PXYLP1: variants seen among roughly 807,000 people sequenced by gnomAD.
PXYLP1 encodes the protein 2-phosphoxylose phosphatase 1.
A neutral mutation model predicts 37.9 loss-of-function variants in PXYLP1; 17 were observed. The ratio of observed to expected loss-of-function variants is 0.45; its 90% CI spans 0.31 to 0.67. The LOEUF (loss-of-function observed/expected upper bound fraction) is 0.67, where lower values mean the gene tolerates loss of function less well. Ranked by LOEUF, PXYLP1 falls within the 30% of genes least tolerant of loss-of-function variation. The pLI is 0.07. For missense variants in PXYLP1, 511 were observed against 612.0 expected, an observed-to-expected ratio of 0.84 and a Z score of 1.74; for synonymous variants, 221 against 232.2, an observed-to-expected ratio of 0.95 and a Z score of 0.44.
intron 4 of PXYLP1, among the ~76,000 whole-genome samples, chr3:141,280,226 G>A (rs1012402310): frequency 1.3e-5 from 2 of 152,238 alleles, no homozygotes; most frequent in South Asian, 4.1e-4. Context: ...AGTGCTCAGT[G>A]GGGAAGACGT....
chr3:141,293,163 T>C lies in PXYLP1; in HGVS notation c.1401T>C (p.Ser467=). 1 of 1,613,984 alleles carries C rather than the reference T, an allele frequency of 6.2e-7. No homozygotes were observed. Among genetic ancestry groups the C allele is most frequent in the Non-Finnish European group, 8.5e-7 (1 of 1,180,030 alleles). Residue 467 remains serine, a synonymous_variant, in exon 6 of 6, where the codon AGT becomes AGC. Coordinates refer to ENST00000286353, the MANE Select transcript of PXYLP1 (RefSeq NM_001037172.3). ...ACATGTTTGTAGCCCTGGGTGGCAG[T>C]GGTACAAATTATTATGATGCATGTC... ...KRDMFVALGG[S]GTNYYDACHR...
chr3:141,287,605 A>G (rs569934316), intron 5 of PXYLP1, 152 bp downstream of exon 5: 9 of 739,830 alleles, frequency 1.2e-5, no homozygotes, highest in African/African-American at 3.6e-5. Flanking sequence ...GGGCCTCTAA[A>G]TAAACATCAG....
At chr3:141,251,891 T>C (rs1022787773) in intron 1 of PXYLP1, among the ~76,000 whole-genome samples, 2 of 152,308 alleles carry the variant, frequency 1.3e-5, no homozygotes, top group Non-Finnish European at 1.5e-5. Context: ...CACTTGTGGC[T>C]GGTGGGTATT....
intron 1 of PXYLP1, among the ~76,000 whole-genome samples, chr3:141,239,537 A>G (rs1940745748): frequency 6.7e-6 from 1 of 150,338 alleles, no homozygotes; most frequent in Non-Finnish European, 1.5e-5. Flanking sequence ...TCTCTTGTGC[A>G]TCTTGCTCTA....
intron 2 of PXYLP1, among the ~76,000 whole-genome samples, chr3:141,276,059 C>T (rs573542596): frequency 9.8e-5 from 15 of 152,290 alleles, no homozygotes; most frequent in Middle Eastern, 3.4e-3. Context: ...ACATTCAGTG[C>T]GGTAACATGC....
chr3:141,271,614 C>T (rs9819731), intron 2 of PXYLP1, among the ~76,000 whole-genome samples: 74,817 of 152,008 alleles, frequency 0.49, 20,047 homozygotes, highest in South Asian at 0.69. Flanking sequence ...ACTCTGGGTC[C>T]CTGATACCCA....
At position 141,279,419 on chromosome 3, in the gene PXYLP1, T is replaced by A. The variant is rs200886677; in HGVS notation, c.280T>A (p.Phe94Ile). 6.8e-6 allele frequency: 11 copies of A among 1,614,236 alleles called. No individual in the cohort carries two copies. Among genetic ancestry groups the A allele is most frequent in the African/African-American group, 1.3e-5 (1 of 75,058 alleles). ...TTTTAAGCTGGTCTCAGTGCATGTGTTCATTCGCCACGGAGACAGGTACCC... is the reference window on the plus strand; with the variant it reads ...TTTTAAGCTGGTCTCAGTGCATGTGATCATTCGCCACGGAGACAGGTACCC... ...HHFKLVSVHV[F>I]IRHGDRYPLY... Residue 94 changes from phenylalanine to isoleucine, a missense_variant, in exon 4 of 6, where the codon TTC (phenylalanine) becomes ATC (isoleucine). Coordinates refer to ENST00000286353, the MANE Select transcript of PXYLP1 (RefSeq NM_001037172.3).
chr3:141,275,929 C>T lies in PXYLP1; in HGVS notation c.80-2413C>T, dbSNP rs145883806. Among the ~76,000 whole-genome samples, 718 of 152,218 alleles carry T rather than the reference C, an allele frequency of 4.7e-3. 3 individuals are homozygous for T. Among genetic ancestry groups the T allele is most frequent in the South Asian group, 0.018 (86 of 4,822 alleles). On this transcript the variant is annotated intron_variant, in intron 2 of 5. Transcript: ENST00000286353. ...TGTACCACATAATGACTTCCATCAACGACAGAACACATATATGACAGTGGT... is the reference window on the plus strand; with the variant it reads ...TGTACCACATAATGACTTCCATCAATGACAGAACACATATATGACAGTGGT...
intron 4 of PXYLP1, among the ~76,000 whole-genome samples, chr3:141,283,098 C>G (rs923398985): frequency 6.6e-6 from 1 of 151,880 alleles, no homozygotes; most frequent in Non-Finnish European, 1.5e-5. Flanking sequence ...TCCCGAGTAG[C>G]TGGGACTACA....
intron 1 of PXYLP1, chr3:141,234,965 G>C (rs1247192880): frequency 6.6e-6 from 1 of 152,284 alleles, no homozygotes; most frequent in Non-Finnish European, 1.5e-5. Context: ...CTGTGAGTAA[G>C]AGAAAGGGAG....
rs570475152 is a variant in PXYLP1, at chr3:141,254,551, C to T, written c.-53-5572C>T. Among the ~76,000 whole-genome samples, 14 of 152,290 alleles carry T rather than the reference C, an allele frequency of 9.2e-5. No individual in the cohort carries two copies. In the South Asian group the frequency reaches 1.0e-3, roughly 11 times the overall value. On this transcript the variant is annotated intron_variant, in intron 1 of 5. Transcript: ENST00000286353. ...GGTTTCCAGGAGGCTCTGGAATCTG[C>T]GCATCTTCATCAGACTTCAAGGTTG...
chr3:141,232,143 C>A (rs1332855240), intron 1 of PXYLP1, among the ~76,000 whole-genome samples: 1 of 152,106 alleles, frequency 6.6e-6, no homozygotes, highest in African/African-American at 2.4e-5. Context: ...AGGACTTGCG[C>A]CCTCTTTCCT....
chr3:141,237,447 C>G (rs1940687549), intron 1 of PXYLP1, among the ~76,000 whole-genome samples: 1 of 152,192 alleles, frequency 6.6e-6, no homozygotes, highest in African/African-American at 2.4e-5. Context: ...ACTTTAAACC[C>G]TGGCTCTACC....
chr3:141,254,138 C>T lies in PXYLP1; in HGVS notation c.-53-5985C>T, dbSNP rs1280613763. 2.0e-5 allele frequency among the ~76,000 whole-genome samples: 3 copies of T among 152,236 alleles called. No individual in the cohort carries two copies. In the South Asian group the frequency reaches 6.2e-4, roughly 32 times the overall value. ...GTGTTGGCCAGGCTGGTCTTGAACTCCTGTCCTCAAGTGATCTGCCCGCCA... is the reference window on the plus strand; with the variant it reads ...GTGTTGGCCAGGCTGGTCTTGAACTTCTGTCCTCAAGTGATCTGCCCGCCA... On this transcript the variant is annotated intron_variant, in intron 1 of 5. Transcript: ENST00000286353.
Position 141,293,149 on chromosome 3 carries a change from G to A in PXYLP1, c.1387G>A (p.Ala463Thr), listed in dbSNP as rs200583246. 6.2e-6 allele frequency: 10 copies of A among 1,614,114 alleles called. No individual in the cohort carries two copies. In the Admixed American group the frequency reaches 1.0e-4, roughly 16 times the overall value. The stretch of plus-strand genomic sequence containing the variant: ...CTTTGTGAAAAGGGACATGTTTGTA[G>A]CCCTGGGTGGCAGTGGTACAAATTA... ...VRFVKRDMFV[A>T]LGGSGTNYYD... Residue 463 changes from alanine (A) to threonine (T), a missense_variant, in exon 6 of 6, where the codon GCC (alanine) becomes ACC (threonine). By Grantham distance (58) the Ala-to-Thr change is moderately conservative (BLOSUM62 0). Transcript: ENST00000286353.
intron 5 of PXYLP1, among the ~76,000 whole-genome samples, chr3:141,290,325 C>A (rs750165018): frequency 6.6e-6 from 1 of 152,204 alleles, no homozygotes; most frequent in African/African-American, 2.4e-5. Flanking sequence ...GCCTTGGAGT[C>A]AGACAGACCT....
chr3:141,255,734 A>T (rs892443352), intron 1 of PXYLP1, among the ~76,000 whole-genome samples: 1 of 152,224 alleles, frequency 6.6e-6, no homozygotes, highest in Non-Finnish European at 1.5e-5. Context: ...GAAGGGAACC[A>T]AGGACTGTGT....
At chr3:141,257,654 G>A (rs146532189) in intron 1 of PXYLP1, among the ~76,000 whole-genome samples, 1 of 152,124 alleles carries the variant, frequency 6.6e-6, no homozygotes, top group Non-Finnish European at 1.5e-5. Flanking sequence ...GCTCACACCT[G>A]TAATCCCAGC....
intron 2 of PXYLP1, among the ~76,000 whole-genome samples, chr3:141,261,483 C>A (rs1344741703): frequency 6.6e-6 from 1 of 152,068 alleles, no homozygotes; most frequent in Non-Finnish European, 1.5e-5. Flanking sequence ...ACCAATAAAG[C>A]AATTAAATAA....
Sources: allele counts gnomAD v4.1 joint callset (sites outside exome capture counted in the v4.1 genomes callset), GRCh38; gene constraint gnomAD v4.1.1; transcripts MANE v1.5; gene names NCBI Gene and HGNC (gene_info 2026-07-23, HGNC 2026-07-21).